CAMTA1: variants seen among roughly 807,000 people sequenced by gnomAD.
CAMTA1 encodes calmodulin-binding transcription activator 1.
A neutral mutation model predicts 170.9 loss-of-function variants in CAMTA1; 27 were observed. The observed-to-expected ratio is 0.16, with a 90% CI of 0.12 to 0.22. CAMTA1 has a LOEUF of 0.22. Ranked by LOEUF, CAMTA1 falls within the 10% of genes least tolerant of loss-of-function variation. CAMTA1 has a pLI of 1.00. For synonymous variants in CAMTA1, 833 were observed against 891.5 expected (o/e 0.93, Z 1.17); for missense variants, 1,619 against 2,217.2 (o/e 0.73, Z 5.42).
chr1:7,201,948 A>G (rs1207989305), intron 4 of CAMTA1, among the ~76,000 whole-genome samples: 1 of 152,222 alleles, frequency 6.6e-6, no homozygotes, highest in Non-Finnish European at 1.5e-5. Flanking sequence ...CATATCTAAA[A>G]AATGCTTTGC....
rs1440319609 is a variant in CAMTA1, at chr1:7,249,419, C to T, written c.303-72C>T. ...CTTTTCTGTAGAGACTTTTACTGGTCGATGATATCTTTCTTCATAAATTTT... is the reference window on the plus strand; with the variant it reads ...CTTTTCTGTAGAGACTTTTACTGGTTGATGATATCTTTCTTCATAAATTTT... On this transcript the variant is annotated intron_variant, in intron 4 of 22. Transcript: ENST00000303635. The surrounding 1 kb of genome is among the most constrained non-coding windows in gnomAD (Gnocchi z 4.4). The T allele has an allele frequency of 2.9e-5, 40 of 1,393,634 alleles. No homozygotes were observed. Among genetic ancestry groups the T allele is most frequent in the Non-Finnish European group, 3.8e-5 (39 of 1,013,370 alleles). 86.3% of individuals were successfully genotyped at this position (1,393,634 alleles called of 1,614,324 possible).
chr1:7,594,117 G>GAAAGAAAGAAAGAA (rs572409468), intron 6 of CAMTA1, among the ~76,000 whole-genome samples: 1 of 130,720 alleles, frequency 7.6e-6, no homozygotes, highest in African/African-American at 3.5e-5. Context: ...GAAAGAAAGA[G>GAAAGAAAGAAAGAA]AGAAAGAAAG....
chr1:6,831,524 T>C (rs940823477), intron 3 of CAMTA1, among the ~76,000 whole-genome samples: 2 of 152,252 alleles, frequency 1.3e-5, no homozygotes, highest in African/African-American at 2.4e-5. Context: ...ACTTAAAATA[T>C]AACTACTGCA....
chr1:6,819,276 A>C (rs1263446379), intron 1 of CAMTA1, among the ~76,000 whole-genome samples: 1 of 151,750 alleles, frequency 6.6e-6, no homozygotes, highest in African/African-American at 2.4e-5. Context: ...GACTGAAAAT[A>C]ATTGGCCGTC....
At position 7,029,695 on chromosome 1, in the gene CAMTA1, C is replaced by T. The variant is rs1702536951; in HGVS notation, c.235-61609C>T. Reference sequence around the variant, plus strand: ...TTTTGGTCTCAGGACCTCTCTTACACTCCTAAAAGTTATTGAGGAACCCAA... The same window carrying T: ...TTTTGGTCTCAGGACCTCTCTTACATTCCTAAAAGTTATTGAGGAACCCAA... On this transcript the variant is annotated intron_variant, in intron 3 of 22. Transcript: ENST00000303635. 3.3e-5 allele frequency among the ~76,000 whole-genome samples: 5 copies of T among 152,002 alleles called. No homozygotes were observed. In the South Asian group the frequency reaches 1.0e-3, roughly 32 times the overall value.
chr1:7,654,723 ACACACACC>A (rs2095869973), intron 7 of CAMTA1, among the ~76,000 whole-genome samples: 2 of 138,974 alleles, frequency 1.4e-5, no homozygotes, highest in South Asian at 2.4e-4. Context: ...ACCCACCTAT[ACACACACC>A]CACACACCTA....
intron 6 of CAMTA1, among the ~76,000 whole-genome samples, chr1:7,578,512 C>G (rs1254192699): frequency 3.9e-5 from 6 of 152,226 alleles, no homozygotes; most frequent in Admixed American, 2.0e-4. Flanking sequence ...TGCCCTCCGC[C>G]CCTACCGACA....
At chr1:7,046,136 G>A (rs12027605) in intron 3 of CAMTA1, among the ~76,000 whole-genome samples, 22,354 of 152,200 alleles carry the variant, frequency 0.15, 2,277 homozygotes, top group African/African-American at 0.29. Flanking sequence ...TCTCAGATCT[G>A]CCTCTGCATA....
chr1:7,459,740 C>G (rs1347297311), intron 5 of CAMTA1, among the ~76,000 whole-genome samples: 1 of 152,170 alleles, frequency 6.6e-6, no homozygotes, highest in African/African-American at 2.4e-5. Context: ...TGCTGTCACC[C>G]CAAATCTGGA....
At chr1:7,606,367 AATGTGTG>A (rs2095486703) in intron 6 of CAMTA1, among the ~76,000 whole-genome samples, 2 of 152,156 alleles carry the variant, frequency 1.3e-5, no homozygotes, top group Non-Finnish European at 2.9e-5. Context: ...GTTGGGCAGC[AATGTGTG>A]ACACTCCCTC....
At chr1:7,637,886 T>C (rs1044087691) in intron 6 of CAMTA1, among the ~76,000 whole-genome samples, 2 of 152,230 alleles carry the variant, frequency 1.3e-5, no homozygotes, top group African/African-American at 4.8e-5. Flanking sequence ...GCTGCGCTTA[T>C]GTCAGGGATT....
chr1:7,469,566 C>A (rs1036039453), intron 6 of CAMTA1, among the ~76,000 whole-genome samples: 19 of 152,202 alleles, frequency 1.2e-4, no homozygotes, highest in African/African-American at 4.3e-4. Flanking sequence ...CGGTTTCATG[C>A]CCCCTGGTCA....
intron 3 of CAMTA1, among the ~76,000 whole-genome samples, chr1:6,973,148 A>G (rs898742771): frequency 1.3e-5 from 2 of 152,216 alleles, no homozygotes; most frequent in African/African-American, 4.8e-5. Flanking sequence ...CACCACGCCT[A>G]GCCGTCTGAA....
At chr1:7,397,370 G>A (rs905789764) in intron 5 of CAMTA1, among the ~76,000 whole-genome samples, 3 of 151,638 alleles carry the variant, frequency 2.0e-5, no homozygotes, top group Admixed American at 1.3e-4. Flanking sequence ...TTAAATTTGA[G>A]TTTTCTCTCT....
chr1:7,663,863 G>A lies in CAMTA1; in HGVS notation c.1316G>A (p.Gly439Asp). 2 of 1,614,010 alleles carry A rather than the reference G, an allele frequency of 1.2e-6. No individual in the cohort carries two copies. Among genetic ancestry groups the A allele is most frequent in the Non-Finnish European group, 1.7e-6 (2 of 1,180,046 alleles). Reference protein sequence around the residue: ...QGLVLAVSSDGHKFAFPTTGS... With the variant: ...QGLVLAVSSDDHKFAFPTTGS... ...CTCGTCCTGGCCGTGAGCTCTGATG[G>A]CCACAAGTTCGCCTTTCCCACCACG... Residue 439 changes from glycine to aspartate, a missense_variant, in exon 9 of 23, where the codon GGC (glycine) becomes GAC (aspartate). Physicochemically the swap from Gly to Asp is moderately conservative, Grantham distance 94. Transcript: ENST00000303635.
At chr1:7,284,177 C>CTTCTTATTATTA (rs1333698169) in intron 5 of CAMTA1, among the ~76,000 whole-genome samples, 8 of 99,312 alleles carry the variant, frequency 8.1e-5, no homozygotes, top group Admixed American at 2.2e-4. Context: ...TCTTCTTCTT[C>CTTCTTATTATTA]TTATTATTAT....
At chr1:7,661,983 A>T in intron 8 of CAMTA1, 117 bp downstream of exon 8, 2 of 1,225,154 alleles carry the variant, frequency 1.6e-6, no homozygotes, top group Non-Finnish European at 2.3e-6. Context: ...GAGGAGGGGG[A>T]CAGTCAGGGA....
chr1:6,905,851 G>A (rs1430936122), intron 3 of CAMTA1, among the ~76,000 whole-genome samples: 1 of 152,162 alleles, frequency 6.6e-6, no homozygotes, highest in Admixed American at 6.5e-5. Flanking sequence ...CTCGGTGCAG[G>A]GTTGCCAGAG....
chr1:6,903,003 G>C (rs572690073), intron 3 of CAMTA1, among the ~76,000 whole-genome samples: 1 of 152,068 alleles, frequency 6.6e-6, no homozygotes, highest in Non-Finnish European at 1.5e-5. Flanking sequence ...GTTCCCAAAA[G>C]AACTTATATA....
Sources: allele counts gnomAD v4.1 joint callset (sites outside exome capture counted in the v4.1 genomes callset), GRCh38; gene constraint gnomAD v4.1.1; non-coding constraint Gnocchi (gnomAD v3.1); transcripts MANE v1.5; gene names NCBI Gene and HGNC (gene_info 2026-07-23, HGNC 2026-07-21).